FAM107B: variants seen among roughly 807,000 people sequenced by gnomAD.
FAM107B encodes the protein family with sequence similarity 107 member B.
Under a neutral mutation model 31.5 loss-of-function variants are expected in FAM107B, and 21 were observed. The observed-to-expected ratio is 0.67, with a 90% CI of 0.47 to 0.96. The LOEUF (loss-of-function observed/expected upper bound fraction) is 0.96. Among genes scored for constraint, FAM107B ranks in the 40% least tolerant of loss-of-function variants. The probability of loss-of-function intolerance (pLI) is 0.00; values close to 1 mark genes in which losing one functional copy is unlikely to be tolerated. For missense variants in FAM107B, 452 were observed against 377.1 expected (o/e 1.20, Z -1.64); for synonymous variants, 157 against 141.5 (o/e 1.11, Z -0.78).
At chr10:14,613,763 G>C (rs1441524849) in intron 2 of FAM107B, among the ~76,000 whole-genome samples, 1 of 152,118 alleles carries the variant, frequency 6.6e-6, no homozygotes, top group Non-Finnish European at 1.5e-5. Context: ...GGCCACATCA[G>C]CTAGGCTAAT....
Position 14,519,887 on chromosome 10 carries a change from G to A in FAM107B, c.*1303C>T, listed in dbSNP as rs1845468524. 6.6e-6 allele frequency: 1 copy of A among 152,572 alleles called. No individual in the cohort carries two copies. The highest frequency in any genetic ancestry group is 1.5e-5 in the Non-Finnish European group (1 of 68,034). The allele number at this position is 152,572 out of a possible 1,614,324, so 9.5% of individuals were successfully genotyped here. Reference sequence around the variant, plus strand: ...GCAAAAGGTACCGATGCCCACACTAGCAGTTTAAAACTAATTTTGCATGAG... The same window carrying A: ...GCAAAAGGTACCGATGCCCACACTAACAGTTTAAAACTAATTTTGCATGAG... On this transcript the variant is annotated 3_prime_UTR_variant, in exon 5 of 5. Coordinates refer to ENST00000181796, the MANE Select transcript of FAM107B (RefSeq NM_031453.4).
intron 2 of FAM107B, among the ~76,000 whole-genome samples, chr10:14,583,100 A>T (rs924493440): frequency 9.9e-5 from 15 of 151,990 alleles, no homozygotes; most frequent in African/African-American, 3.4e-4. Flanking sequence ...AAAAAAAAAA[A>T]AAAAGAAAAG....
At chr10:14,639,794 T>C (rs1039497254) in intron 2 of FAM107B, among the ~76,000 whole-genome samples, 4 of 152,184 alleles carry the variant, frequency 2.6e-5, no homozygotes, top group African/African-American at 9.7e-5. Context: ...CTTTCTTCTA[T>C]ACTCCAGCCA....
chr10:14,727,738 G>A (rs1009622382), intron 1 of FAM107B, among the ~76,000 whole-genome samples: 7 of 152,168 alleles, frequency 4.6e-5, no homozygotes, highest in Non-Finnish European at 8.8e-5. Context: ...TCTCCCACCA[G>A]GGCTTCTAGG....
chr10:14,526,840 ATTTT>A (rs1166706903), intron 3 of FAM107B, among the ~76,000 whole-genome samples: 1 of 147,802 alleles, frequency 6.8e-6, no homozygotes, highest in Non-Finnish European at 1.5e-5. Flanking sequence ...AGAAATATTA[ATTTT>A]TTTTTTTTTT....
chr10:14,701,811 C>G (rs1588715628), intron 1 of FAM107B, among the ~76,000 whole-genome samples: 1 of 152,132 alleles, frequency 6.6e-6, no homozygotes, highest in South Asian at 2.1e-4. Flanking sequence ...AAAACTCATC[C>G]CTCTGCTGGC....
At chr10:14,655,055 T>C (rs1854008693) in intron 2 of FAM107B, among the ~76,000 whole-genome samples, 1 of 152,166 alleles carries the variant, frequency 6.6e-6, no homozygotes, top group Non-Finnish European at 1.5e-5. Flanking sequence ...CACCAGCATC[T>C]GAGGCAAAAG....
At chr10:14,660,083 CA>C (rs1242456230) in intron 2 of FAM107B, among the ~76,000 whole-genome samples, 1 of 151,980 alleles carries the variant, frequency 6.6e-6, no homozygotes, top group Non-Finnish European at 1.5e-5. Flanking sequence ...TGACCTTTAG[CA>C]AAAAGAGGGT....
intron 2 of FAM107B, among the ~76,000 whole-genome samples, chr10:14,590,036 A>C: frequency 6.6e-6 from 1 of 152,050 alleles, no homozygotes; most frequent in East Asian, 1.9e-4. Flanking sequence ...CACTTAACGT[A>C]CTAATGGTCC....
chr10:14,573,152 C>G (rs1277797949), intron 2 of FAM107B, among the ~76,000 whole-genome samples: 1 of 152,114 alleles, frequency 6.6e-6, no homozygotes, highest in Non-Finnish European at 1.5e-5. Context: ...TGGAGAGAAA[C>G]AGGCTTGGTG....
At chr10:14,553,490 C>A in intron 2 of FAM107B, 1 of 552,426 alleles carries the variant, frequency 1.8e-6, no homozygotes, top group Non-Finnish European at 2.9e-6. Flanking sequence ...AAATTCCACA[C>A]CCTTAGCTCA....
chr10:14,521,764 A>T lies in FAM107B; in HGVS notation c.804+105T>A, dbSNP rs567689227. 1.8e-5 allele frequency: 27 copies of T among 1,459,524 alleles called. No homozygotes were observed. In the Admixed American group the frequency reaches 4.6e-4, roughly 25 times the overall value. 90.4% of individuals were successfully genotyped at this position (1,459,524 alleles called of 1,614,324 possible). On this transcript the variant is annotated intron_variant, in intron 4 of 4. Transcript: ENST00000181796. ...TTGTCTCCAATATTTCTTTCATGGTATAAATGTATACACTGGCACGTCTGG... is the reference window on the plus strand; with the variant it reads ...TTGTCTCCAATATTTCTTTCATGGTTTAAATGTATACACTGGCACGTCTGG...
At chr10:14,537,588 C>T (rs1847751875) in intron 2 of FAM107B, among the ~76,000 whole-genome samples, 1 of 152,072 alleles carries the variant, frequency 6.6e-6, no homozygotes, top group African/African-American at 2.4e-5. Context: ...ACCTGTAATC[C>T]CAGCACTTTG....
intron 1 of FAM107B, among the ~76,000 whole-genome samples, chr10:14,719,255 G>A (rs113189750): frequency 4.6e-5 from 7 of 152,290 alleles, no homozygotes; most frequent in African/African-American, 1.4e-4. Flanking sequence ...AGCCAGGGAC[G>A]CATTCTCTCC....
At chr10:14,741,850 C>T (rs1438816086) in intron 1 of FAM107B, among the ~76,000 whole-genome samples, 2 of 151,090 alleles carry the variant, frequency 1.3e-5, no homozygotes, top group Admixed American at 1.3e-4. Context: ...CCTCCACAGG[C>T]ACCCGCCCCC....
intron 1 of FAM107B, among the ~76,000 whole-genome samples, chr10:14,721,416 G>C (rs1279656708): frequency 5.3e-5 from 8 of 152,206 alleles, no homozygotes; most frequent in Non-Finnish European, 1.2e-4. Context: ...TTGAGGAATA[G>C]CCACACTGTC....
intron 1 of FAM107B, among the ~76,000 whole-genome samples, chr10:14,714,624 C>T (rs544001574): frequency 1.3e-5 from 2 of 152,206 alleles, no homozygotes; most frequent in African/African-American, 4.8e-5. Flanking sequence ...TTAATCAACA[C>T]CACCGCTCCC....
At chr10:14,718,064 C>T (rs183268615) in intron 1 of FAM107B, among the ~76,000 whole-genome samples, 15 of 152,278 alleles carry the variant, frequency 9.9e-5, no homozygotes, top group Admixed American at 6.5e-4. Flanking sequence ...TGGTGGCTCA[C>T]GCCTGTAATC....
intron 2 of FAM107B, among the ~76,000 whole-genome samples, chr10:14,601,106 G>C (rs1852382691): frequency 6.6e-6 from 1 of 152,302 alleles, no homozygotes; most frequent in East Asian, 1.9e-4. Flanking sequence ...TTATAGTCTT[G>C]TTAACAGCAG....
Sources: allele counts gnomAD v4.1 joint callset (sites outside exome capture counted in the v4.1 genomes callset), GRCh38; gene constraint gnomAD v4.1.1; transcripts MANE v1.5; gene names NCBI Gene and HGNC (gene_info 2026-07-23, HGNC 2026-07-21).